DHX34: variants seen among roughly 807,000 people sequenced by gnomAD.
DHX34 encodes the protein DExH-box helicase 34.
In DHX34, 96 loss-of-function variants were observed where a neutral mutation model predicts 111.1. That is an observed-to-expected ratio of 0.86 (90% CI 0.73 to 1.02). The LOEUF (loss-of-function observed/expected upper bound fraction) is 1.02, where lower values mean the gene tolerates loss of function less well. Among genes scored for constraint, DHX34 ranks in the 50% least tolerant of loss-of-function variants. The pLI, the probability that DHX34 is intolerant of heterozygous loss-of-function variation, is 0.00. For synonymous variants in DHX34, 688 were observed against 670.4 expected (o/e 1.03, Z -0.41); for missense variants, 1,560 against 1,579.9 (o/e 0.99, Z 0.21).
In DHX34 at chr19:47,379,985, G is replaced by A. The variant is rs370847090; in HGVS notation, c.2982G>A (p.Lys994=). 20 of 1,579,286 alleles carry A rather than the reference G, an allele frequency of 1.3e-5. No homozygotes were observed. Among genetic ancestry groups the A allele is most frequent in the Non-Finnish European group, 1.7e-5 (20 of 1,154,424 alleles). ...SKELLQFTAS[K]IPYSLRRLTG... ...AACTCCTGCAATTCACGGCATCCAA[G>A]GTACCCTCCACCAGGGTGCCCGTGC... Residue 994 remains lysine, a splice_region_variant and synonymous_variant, in exon 14 of 17, where the codon AAG becomes AAA. Coordinates refer to ENST00000328771, the MANE Select transcript of DHX34 (RefSeq NM_014681.6).
intron 6 of DHX34, among the ~76,000 whole-genome samples, chr19:47,365,483 C>A (rs1237810339): frequency 6.6e-6 from 1 of 152,126 alleles, no homozygotes; most frequent in Non-Finnish European, 1.5e-5. Flanking sequence ...AACTTCTGAC[C>A]TCAGGTGATC....
At chr19:47,364,031 G>A (rs1049116502) in intron 6 of DHX34, among the ~76,000 whole-genome samples, 2 of 152,122 alleles carry the variant, frequency 1.3e-5, no homozygotes, top group Non-Finnish European at 2.9e-5. Context: ...GGCCAACAGC[G>A]GAATGGTGGT....
rs77204961 is a variant in DHX34, at chr19:47,381,724, C to T, written c.3299-256C>T. On this transcript the variant is annotated intron_variant, in intron 16 of 16. Transcript: ENST00000328771. ...CACTGGGGCCACATGCCTCCATCCC[C>T]GGCTGGCTGTGTCTGCCTCTCAGTC... 558 of 474,674 alleles carry T rather than the reference C, an allele frequency of 1.2e-3. 3 individuals are homozygous for T. Among genetic ancestry groups the T allele is most frequent in the African/African-American group, 0.011 (516 of 47,560 alleles). The allele number at this position is 474,674 out of a possible 1,614,324, so 29.4% of individuals were successfully genotyped here.
intron 11 of DHX34, 98 bp from the exon 12 acceptor site, chr19:47,376,345 C>T (rs1970155598): frequency 6.5e-7 from 1 of 1,542,530 alleles, no homozygotes; most frequent in Non-Finnish European, 8.7e-7. Flanking sequence ...GGAGGGCTTC[C>T]TGGAGGAGGG....
intron 13 of DHX34, among the ~76,000 whole-genome samples, chr19:47,378,203 G>A (rs770011703): frequency 2.0e-5 from 3 of 152,096 alleles, no homozygotes; most frequent in Non-Finnish European, 2.9e-5. Flanking sequence ...TTGACACTGC[G>A]ATTGCCACCA....
intron 13 of DHX34, among the ~76,000 whole-genome samples, chr19:47,379,147 T>G (rs1033997686): frequency 8.5e-5 from 9 of 106,166 alleles, no homozygotes; most frequent in Admixed American, 4.4e-4. Flanking sequence ...AATAAATTAA[T>G]AATAATAATA....
chr19:47,377,148 C>T lies in DHX34; in HGVS notation c.2648C>T (p.Ser883Phe), dbSNP rs1251324145. 6.2e-7 allele frequency: 1 copy of T among 1,613,988 alleles called. No homozygotes were observed. The highest frequency in any genetic ancestry group is 1.3e-5 in the African/African-American group (1 of 75,068). ...SSKHQLLSFV[S>F]LLETNKPYLV... ...AAACACCAGCTCCTCAGCTTCGTGT[C>T]CCTGCTGGAGACCAACAAGCCGTAC... Residue 883 changes from serine (S) to phenylalanine (F), a missense_variant, in exon 13 of 17, where the codon TCC (serine) becomes TTC (phenylalanine). Coordinates refer to ENST00000328771, the MANE Select transcript of DHX34 (RefSeq NM_014681.6).
rs200869108 is a variant in DHX34, at chr19:47,358,006, C to T, written c.1158C>T (p.Ser386=). Residue 386 remains serine (S), a synonymous_variant, in exon 4 of 17, where the codon AGC becomes AGT. Coordinates refer to ENST00000328771, the MANE Select transcript of DHX34 (RefSeq NM_014681.6). ...GGGGTGACCTCCTCGTCTTCCTCAG[C>T]GGCATGGCGGAGATCAGCGCCGTGC... The part of the protein sequence containing the change: ...EERGDLLVFL[S]GMAEISAVLE... The T allele has an allele frequency of 1.4e-5, 22 of 1,613,764 alleles. No individual in the cohort carries two copies. Among genetic ancestry groups the T allele is most frequent in the South Asian group, 4.4e-5 (4 of 91,086 alleles).
chr19:47,364,305 A>C (rs142372061), intron 6 of DHX34, among the ~76,000 whole-genome samples: 93 of 152,262 alleles, frequency 6.1e-4, no homozygotes, highest in African/African-American at 2.2e-3. Flanking sequence ...TGTGCTCAGG[A>C]ACAAAAGGAA....
chr19:47,354,866 C>A, intron 2 of DHX34, 173 bp from the exon 3 acceptor site: 1 of 720,754 alleles, frequency 1.4e-6, no homozygotes, highest in Non-Finnish European at 1.7e-6. Flanking sequence ...GTTAGTCAGG[C>A]GGATCTCGAA....
At chr19:47,380,687 A>G in intron 14 of DHX34, 129 bp from the exon 15 acceptor site, 1 of 1,482,020 alleles carries the variant, frequency 6.7e-7, no homozygotes, top group Non-Finnish European at 9.0e-7. Flanking sequence ...CCAAATTGTG[A>G]TTGGTGTAAG....
chr19:47,380,513 TAGG>T (rs1026806245), intron 14 of DHX34, among the ~76,000 whole-genome samples: 5 of 149,164 alleles, frequency 3.4e-5, no homozygotes, highest in African/African-American at 1.0e-4. Flanking sequence ...GCTGACATGC[TAGG>T]AGGAGGAGGG....
rs377763403 is a variant in DHX34 at position 47,381,000 on chromosome 19, T to C, written c.3159+8T>C. The C allele has an allele frequency of 2.5e-4, 387 of 1,560,402 alleles. 6 individuals carry two copies. In the South Asian group the frequency reaches 4.5e-3, roughly 18 times the overall value. On this transcript the variant is annotated splice_region_variant and intron_variant, in intron 15 of 16. Coordinates refer to ENST00000328771, the MANE Select transcript of DHX34 (RefSeq NM_014681.6). ...ACCTACAACTGCCTCACGGTAAGCA[T>C]GAACCCTCCTTCCCTGAAGGTGGGA...
rs759400292 is a variant in DHX34 at position 47,362,537 on chromosome 19, G to A, written c.1437G>A (p.Trp479Ter). Residue 479 changes from tryptophan to a stop codon, truncating the protein, a stop_gained, in exon 6 of 17, where the codon TGG (tryptophan) becomes TGA (stop). Coordinates refer to ENST00000328771, the MANE Select transcript of DHX34 (RefSeq NM_014681.6). LOFTEE classifies it high-confidence loss of function. ...QAKLQRLQEF[W>*]ISQASAEQRK... The stretch of plus-strand genomic sequence containing the variant: ...AGCTGCAACGGCTGCAGGAGTTCTG[G>A]ATTAGTCAGGCCAGCGCAGAGCAGC... 5 of 1,610,380 alleles carry A rather than the reference G, an allele frequency of 3.1e-6. 1 individual carries two copies. The South Asian group carries it at 5.5e-5, about 18-fold the overall frequency.
At chr19:47,376,199 T>G (rs1166875630) in intron 11 of DHX34, 102 bp downstream of exon 11, 1 of 1,479,692 alleles carries the variant, frequency 6.8e-7, no homozygotes, top group African/African-American at 1.4e-5. Flanking sequence ...ACAACCCTGG[T>G]TCTGTCCCCA....
In DHX34 at chr19:47,357,890, G is replaced by A. The variant is rs1459046305; in HGVS notation, c.1042G>A (p.Glu348Lys). ...GGTTGTGTACCAGCCGCAGGAGGCG[G>A]AGCCGACCACGTCCAAGTCAGAGAA... ...ITVVYQPQEA[E>K]PTTSKSEKLD... The change falls in exon 4 of 17, where the codon GAG becomes AAG. Residue 348 changes from glutamate to lysine, a missense_variant. Glu to Lys is a moderately conservative substitution (Grantham distance 56). Transcript: ENST00000328771. 5 of 1,613,734 alleles carry A rather than the reference G, an allele frequency of 3.1e-6. No individual in the cohort carries two copies. Among genetic ancestry groups the A allele is most frequent in the South Asian group, 1.1e-5 (1 of 91,078 alleles).
chr19:47,357,671 G>C (rs1462325731), intron 3 of DHX34, 195 bp from the exon 4 acceptor site: 2 of 844,568 alleles, frequency 2.4e-6, no homozygotes, highest in South Asian at 1.1e-4. Flanking sequence ...CCAATGAGAT[G>C]GTGGCATAAT....
At chr19:47,355,411 G>A (rs1969429309) in intron 3 of DHX34, 61 bp downstream of exon 3, 2 of 1,571,198 alleles carry the variant, frequency 1.3e-6, no homozygotes, top group Non-Finnish European at 1.7e-6. Flanking sequence ...GTCCAAACCT[G>A]GACATGCCTC....
intron 4 of DHX34, among the ~76,000 whole-genome samples, chr19:47,359,318 T>G (rs778365347): frequency 1.3e-5 from 2 of 151,866 alleles, no homozygotes; most frequent in East Asian, 1.9e-4. Flanking sequence ...GAAAACTAGC[T>G]GGGCATGGTG....
Sources: allele counts gnomAD v4.1 joint callset (sites outside exome capture counted in the v4.1 genomes callset), GRCh38; gene constraint gnomAD v4.1.1; transcripts MANE v1.5; gene names NCBI Gene and HGNC (gene_info 2026-07-23, HGNC 2026-07-21).